USP25: variants seen among roughly 807,000 people sequenced by gnomAD.
USP25 encodes ubiquitin specific peptidase 25.
Under a neutral mutation model 158.5 loss-of-function variants are expected in USP25, and 85 were observed. The ratio of observed to expected loss-of-function variants is 0.54; its 90% CI spans 0.45 to 0.64. The LOEUF (loss-of-function observed/expected upper bound fraction) is 0.64, where lower values mean the gene tolerates loss of function less well. USP25 is among the 30% of genes least tolerant of loss of function. The pLI is 0.00. For synonymous variants in USP25, 464 were observed against 460.4 expected (o/e 1.01, Z -0.10); for missense variants, 1,242 against 1,327.3 (o/e 0.94, Z 1.00).
At chr21:15,835,260 A>G (rs1373542413) in intron 17 of USP25, among the ~76,000 whole-genome samples, 2 of 152,164 alleles carry the variant, frequency 1.3e-5, no homozygotes, top group African/African-American at 4.8e-5. Flanking sequence ...ATATTTTGTG[A>G]TACCAAAATA....
At position 15,824,975 on chromosome 21, in the gene USP25, C is replaced by T; in HGVS notation, c.1218C>T (p.His406=). ...TACCTTTTTCTGATAGATACATGCA[C>T]AGAAACAGAGAAATAACAAGAATTA... ...PQVLYLDRYM[H]RNREITRIKR... is the part of the protein sequence containing the mutation. Residue 406 remains histidine, a synonymous_variant, in exon 12 of 26, where the codon CAC becomes CAT. Coordinates refer to ENST00000400183, the MANE Select transcript of USP25 (RefSeq NM_001283041.3). 6.2e-7 allele frequency: 1 copy of T among 1,609,720 alleles called. No individual in the cohort carries two copies. The highest frequency in any genetic ancestry group is 8.5e-7 in the Non-Finnish European group (1 of 1,177,296).
At chr21:15,818,261 C>G (rs528585422) in intron 9 of USP25, among the ~76,000 whole-genome samples, 4 of 151,882 alleles carry the variant, frequency 2.6e-5, no homozygotes, top group African/African-American at 7.2e-5. Flanking sequence ...TCACAACTTT[C>G]TTTTTATAAC....
At chr21:15,731,078 A>T (rs1158850694) in intron 1 of USP25, among the ~76,000 whole-genome samples, 1 of 131,810 alleles carries the variant, frequency 7.6e-6, no homozygotes, top group Non-Finnish European at 1.6e-5. Flanking sequence ...CCTAAGTTTG[A>T]CCTTGTTCTT....
In USP25 at chr21:15,831,559, T is replaced by C. The variant is rs372511582; in HGVS notation, c.1923T>C (p.Phe641=). The C allele has an allele frequency of 5.5e-5, 88 of 1,613,936 alleles. No individual in the cohort carries two copies. Among genetic ancestry groups the C allele is most frequent in the Middle Eastern group, 1.6e-4 (1 of 6,082 alleles). The change falls in exon 16 of 26, where the codon TTT becomes TTC. Residue 641 remains phenylalanine, a synonymous_variant. Transcript: ENST00000400183. ...GGGAAGAGCTAGTGAGGGACTCTTT[T>C]GGTGGTTATAGAAATGCCAGTGCAT... ...SSWEELVRDS[F]GGYRNASAYC... is the part of the protein sequence containing the mutation.
intron 3 of USP25, among the ~76,000 whole-genome samples, chr21:15,767,656 G>A (rs1258290980): frequency 1.3e-5 from 2 of 152,048 alleles, no homozygotes; most frequent in East Asian, 3.9e-4. Flanking sequence ...TCCAAGACTC[G>A]AGGGGAAAAA....
Position 15,859,000 on chromosome 21 carries a change from A to T in USP25, c.2548-5268A>T, listed in dbSNP as rs575093714. 1.8e-4 allele frequency among the ~76,000 whole-genome samples: 28 copies of T among 151,582 alleles called. 1 individual carries two copies. Among genetic ancestry groups the T allele is most frequent in the Admixed American group, 1.7e-3 (26 of 15,228 alleles). On this transcript the variant is annotated intron_variant, in intron 20 of 25. Transcript: ENST00000400183. The stretch of plus-strand genomic sequence containing the variant: ...TATTGTAAACACTTTTTGTTATCTC[A>T]TATATTTTTTGTACACCACACTGTT...
chr21:15,803,501 AC>A (rs1425987576), intron 6 of USP25, among the ~76,000 whole-genome samples: 1 of 151,840 alleles, frequency 6.6e-6, no homozygotes, highest in Non-Finnish European at 1.5e-5. Context: ...AAGAAGGAAA[AC>A]CATATTATCA....
chr21:15,847,703 G>A lies in USP25; in HGVS notation c.2378G>A (p.Arg793Gln), dbSNP rs2038688495. The A allele has an allele frequency of 4.5e-6, 7 of 1,550,090 alleles. No homozygotes were observed. The highest frequency in any genetic ancestry group is 6.1e-6 in the Non-Finnish European group (7 of 1,146,638). Reference sequence around the variant, plus strand: ...ACAAGCCAACCACTTTCTAATCAGCGAGTTGTAGAGGTGGCGATCCCTCAT... The same window carrying A: ...ACAAGCCAACCACTTTCTAATCAGCAAGTTGTAGAGGTGGCGATCCCTCAT... The part of the protein sequence containing the change: ...NTTSQPLSNQ[R>Q]VVEVAIPHVG... The change falls in exon 19 of 26, where the codon CGA becomes CAA. Residue 793 changes from arginine to glutamine, a missense_variant. This residue lies in a region of USP25 where 608 missense variants were observed against 605.2 expected (regional missense o/e 1.00). Transcript: ENST00000400183.
intron 20 of USP25, among the ~76,000 whole-genome samples, chr21:15,857,025 T>G (rs1211671777): frequency 6.6e-6 from 1 of 152,240 alleles, no homozygotes; most frequent in Non-Finnish European, 1.5e-5. Context: ...ATACTCTAAT[T>G]TAGGAAACTG....
At chr21:15,832,682 A>G (rs997450927) in intron 16 of USP25, among the ~76,000 whole-genome samples, 9 of 152,126 alleles carry the variant, frequency 5.9e-5, no homozygotes, top group Non-Finnish European at 5.9e-5. Context: ...GTATTTTCCA[A>G]TAGTGGCAGA....
At chr21:15,787,133 G>A (rs899158350) in intron 4 of USP25, among the ~76,000 whole-genome samples, 15 of 152,160 alleles carry the variant, frequency 9.9e-5, no homozygotes, top group Admixed American at 5.9e-4. Context: ...GAAGTAGATC[G>A]TATGTTCATG....
chr21:15,840,737 G>A (rs539475051), intron 17 of USP25, among the ~76,000 whole-genome samples: 3 of 152,170 alleles, frequency 2.0e-5, no homozygotes, highest in Admixed American at 1.3e-4. Flanking sequence ...TTGGTCCTAA[G>A]AACCAATTTT....
At chr21:15,807,524 T>C (rs567336445) in intron 7 of USP25, among the ~76,000 whole-genome samples, 31 of 152,234 alleles carry the variant, frequency 2.0e-4, no homozygotes, top group African/African-American at 7.2e-4. Context: ...AGGTCCAGAG[T>C]AAAGGTGTTG....
intron 4 of USP25, among the ~76,000 whole-genome samples, chr21:15,781,766 C>A (rs1167099422): frequency 6.6e-6 from 1 of 152,146 alleles, no homozygotes; most frequent in Non-Finnish European, 1.5e-5. Flanking sequence ...CTCATCACCA[C>A]CACAGGTGCC....
intron 1 of USP25, among the ~76,000 whole-genome samples, chr21:15,760,388 G>C (rs1395894183): frequency 6.6e-6 from 1 of 152,144 alleles, no homozygotes; most frequent in African/African-American, 2.4e-5. Context: ...ACTTGATGTT[G>C]GGTGTCCCTA....
At chr21:15,796,754 C>G (rs1278344495) in intron 5 of USP25, among the ~76,000 whole-genome samples, 1 of 151,326 alleles carries the variant, frequency 6.6e-6, no homozygotes, top group African/African-American at 2.4e-5. Context: ...ATAGTATTAT[C>G]TGGAACCTTT....
rs1039730531 is a variant in USP25 at position 15,878,574 on chromosome 21, C to CT, written c.*107dup. On this transcript the variant is annotated 3_prime_UTR_variant, in exon 26 of 26. Coordinates refer to ENST00000400183, the MANE Select transcript of USP25 (RefSeq NM_001283041.3). ...TGCTTGTTGCTGCTATAGTTTTTAA[C>CT]TTTTTTTTATTTTAATAACTGCAAA... 27 of 1,319,584 alleles carry CT rather than the reference C, an allele frequency of 2.0e-5. No individual in the cohort carries two copies. Among genetic ancestry groups the CT allele is most frequent in the East Asian group, 5.1e-5 (2 of 39,230 alleles). The allele number at this position is 1,319,584 out of a possible 1,614,324, so 81.7% of individuals were successfully genotyped here.
chr21:15,845,391 C>G (rs2146457755), intron 18 of USP25, among the ~76,000 whole-genome samples: 1 of 152,216 alleles, frequency 6.6e-6, no homozygotes, highest in East Asian at 1.9e-4. Context: ...GTATTTTACT[C>G]TAGTGAGCCC....
intron 5 of USP25, among the ~76,000 whole-genome samples, chr21:15,798,606 G>A (rs531597244): frequency 9.6e-4 from 145 of 151,264 alleles, no homozygotes; most frequent in Admixed American, 1.6e-3. Context: ...CCTTCTTAGT[G>A]TCTGGCATAT....
Sources: gnomAD v4.1 joint callset for allele counts (sites outside exome capture counted in the v4.1 genomes callset) on GRCh38, gnomAD v4.1.1 for gene constraint, gnomAD v4.1.1 regional missense constraint, MANE v1.5 for transcripts, NCBI Gene and HGNC (gene_info 2026-07-23, HGNC 2026-07-21) for gene names.